Variants in EPHX2 observed in about 807,000 individuals in gnomAD.
EPHX2 encodes bifunctional epoxide hydrolase 2.
In EPHX2, 74 loss-of-function variants were observed where a neutral mutation model predicts 78.7. The observed-to-expected ratio is 0.94, with a 90% CI of 0.78 to 1.14. The LOEUF (loss-of-function observed/expected upper bound fraction) is 1.14, where lower values mean the gene tolerates loss of function less well. Ranked by LOEUF, EPHX2 falls within the 50% of genes most tolerant of loss-of-function variation. EPHX2 has a pLI of 0.00. For synonymous variants in EPHX2, 251 were observed against 255.2 expected (o/e 0.98, Z 0.16); for missense variants, 715 against 702.5 (o/e 1.02, Z -0.20).
chr8:27,541,387 G>T, intron 15 of EPHX2, 86 bp from the exon 16 acceptor site: 2 of 1,382,372 alleles, frequency 1.4e-6, no homozygotes, highest in Non-Finnish European at 2.1e-6. Flanking sequence ...AGGACGACTG[G>T]CTGTGCAGAG....
chr8:27,544,775 G>A lies in EPHX2; in HGVS notation c.*253G>A. On this transcript the variant is annotated 3_prime_UTR_variant, in exon 19 of 19. Coordinates refer to ENST00000521400, the MANE Select transcript of EPHX2 (RefSeq NM_001979.6). ...GTCCCTTTATCTGTAAGAACCCTTA[G>A]TGTCCTGTAGGGGGACAGAATGGGG... 1 of 527,420 alleles carries A rather than the reference G, an allele frequency of 1.9e-6. No homozygotes were observed. The highest frequency in any genetic ancestry group is 3.4e-6 in the Non-Finnish European group (1 of 295,534). 32.7% of individuals were successfully genotyped at this position (527,420 alleles called of 1,614,324 possible).
At chr8:27,538,507 GT>G in intron 13 of EPHX2, 151 bp from the exon 14 acceptor site, 1 of 651,674 alleles carries the variant, frequency 1.5e-6, no homozygotes, top group East Asian at 2.9e-5. Flanking sequence ...GTTTGTTACA[GT>G]CTGCGTGGTA....
At chr8:27,511,787 C>A (rs148239756) in intron 5 of EPHX2, 49 bp from the exon 6 acceptor site, 1 of 1,585,840 alleles carries the variant, frequency 6.3e-7, no homozygotes, top group Non-Finnish European at 8.7e-7. Flanking sequence ...GAGCCTCTCA[C>A]GGAAGGAGGC....
intron 6 of EPHX2, chr8:27,515,401 A>G: frequency 2.9e-6 from 1 of 342,006 alleles, no homozygotes; most frequent in Admixed American, 4.1e-5. Context: ...TCACAACAGC[A>G]TCAGAAACTG....
intron 18 of EPHX2, 82 bp downstream of exon 18, chr8:27,544,326 T>G: frequency 1.2e-6 from 2 of 1,601,186 alleles, no homozygotes; most frequent in South Asian, 2.2e-5. Flanking sequence ...GGTTTCATTG[T>G]GCTGGCTTTG....
chr8:27,524,572 T>C (rs939907921), intron 11 of EPHX2, among the ~76,000 whole-genome samples: 22 of 152,212 alleles, frequency 1.4e-4, no homozygotes, highest in Admixed American at 5.2e-4. Context: ...ATGCTTGGCT[T>C]CTAGCCACGC....
Position 27,525,349 on chromosome 8 carries a change from C to T in EPHX2, c.1059-13C>T. 1 of 1,613,272 alleles carries T rather than the reference C, an allele frequency of 6.2e-7. No homozygotes were observed. Among genetic ancestry groups the T allele is most frequent in the South Asian group, 1.1e-5 (1 of 91,072 alleles). On this transcript the variant is annotated splice_polypyrimidine_tract_variant and intron_variant, in intron 11 of 18. Coordinates refer to ENST00000521400, the MANE Select transcript of EPHX2 (RefSeq NM_001979.6). ...TTACAGGGGCTATGTCTTGCTGCCT[C>T]TTATTTCTGTAGGGCGGTGGCCAGT...
intron 13 of EPHX2, among the ~76,000 whole-genome samples, chr8:27,538,236 A>G (rs1302925936): frequency 6.6e-6 from 1 of 152,014 alleles, no homozygotes; most frequent in Non-Finnish European, 1.5e-5. Flanking sequence ...TTTCTAATCA[A>G]TTTTTTCACT....
intron 10 of EPHX2, among the ~76,000 whole-genome samples, chr8:27,521,228 G>A (rs1814636419): frequency 6.6e-6 from 1 of 152,218 alleles, no homozygotes; most frequent in Non-Finnish European, 1.5e-5. Context: ...ATATTTCTCA[G>A]CTCTTTAAAC....
chr8:27,522,539 A>G (rs1814687950), intron 11 of EPHX2, 31 bp downstream of exon 11: 2 of 1,605,596 alleles, frequency 1.2e-6, no homozygotes, highest in Non-Finnish European at 1.7e-6. Flanking sequence ...AAAGATTTGG[A>G]GGAGGCTGGA....
intron 13 of EPHX2, among the ~76,000 whole-genome samples, chr8:27,538,045 T>G (rs1238132490): frequency 6.6e-6 from 1 of 152,250 alleles, no homozygotes; most frequent in Non-Finnish European, 1.5e-5. Context: ...GTTGTTGTTC[T>G]TGTTTACTTC....
intron 6 of EPHX2, 190 bp downstream of exon 6, chr8:27,512,100 GAAAAAA>G: frequency 8.1e-5 from 11 of 135,984 alleles, no homozygotes; most frequent in East Asian, 2.9e-4. Context: ...CCTGTCTCAA[GAAAAAA>G]AAAAAAAAAA....
chr8:27,515,535 TAGGTTGGCCAGGGCCTCTTCTC>T (rs72257513), intron 6 of EPHX2, 161 bp from the exon 7 acceptor site: 567 of 574,218 alleles, frequency 9.9e-4, no homozygotes, highest in African/African-American at 9.5e-3. Flanking sequence ...TTTTATTGAG[TAGGTTGGCCAGGGCCTCTTCTC>T]AGCCATTTTC....
At chr8:27,538,879 TC>T (rs1176902888) in intron 14 of EPHX2, 187 bp downstream of exon 14, 6 of 629,356 alleles carry the variant, frequency 9.5e-6, no homozygotes, top group Admixed American at 5.1e-5. Flanking sequence ...AGCCTGGAGT[TC>T]CTACCCTCTA....
chr8:27,537,001 A>C (rs565213143), intron 13 of EPHX2, 146 bp downstream of exon 13: 16 of 751,010 alleles, frequency 2.1e-5, no homozygotes, highest in Admixed American at 3.2e-5. Flanking sequence ...TCCTCACTCT[A>C]CTGGGAAAAT....
intron 2 of EPHX2, among the ~76,000 whole-genome samples, chr8:27,501,372 C>CT (rs1156328201): frequency 7.4e-5 from 9 of 120,956 alleles, no homozygotes; most frequent in African/African-American, 2.7e-4. Flanking sequence ...TCTTCTTCTT[C>CT]TTCTTCTTCT....
At chr8:27,526,606 A>T (rs935190064) in intron 12 of EPHX2, among the ~76,000 whole-genome samples, 3 of 152,244 alleles carry the variant, frequency 2.0e-5, no homozygotes, top group Non-Finnish European at 4.4e-5. Context: ...GGGCAGCTTC[A>T]ACAACAGAAA....
intron 11 of EPHX2, among the ~76,000 whole-genome samples, chr8:27,525,116 G>GCA (rs1233300063): frequency 0.013 from 1,918 of 151,080 alleles, 45 homozygotes; most frequent in African/African-American, 0.044. Flanking sequence ...GTGCGCGCGC[G>GCA]CGCGCGCACC....
chr8:27,534,461 A>T (rs1259180413), intron 12 of EPHX2, among the ~76,000 whole-genome samples: 1 of 152,144 alleles, frequency 6.6e-6, no homozygotes, highest in Non-Finnish European at 1.5e-5. Context: ...GACTAGCCCG[A>T]CCAACATGAT....
Sources: gnomAD v4.1 joint callset for allele counts (sites outside exome capture counted in the v4.1 genomes callset) on GRCh38, gnomAD v4.1.1 for gene constraint, MANE v1.5 for transcripts, NCBI Gene and HGNC (gene_info 2026-07-23, HGNC 2026-07-21) for gene names.